CCDC57: variants seen among roughly 807,000 people sequenced by gnomAD.
The protein encoded by CCDC57 is coiled-coil domain containing 57, also known as coiled-coil domain-containing protein 57.
A neutral mutation model predicts 118.9 loss-of-function variants in CCDC57; 118 were observed. That is an observed-to-expected ratio of 0.99 (90% CI 0.86 to 1.16). The LOEUF is 1.16. CCDC57 is among the 50% of genes most tolerant of loss of function. CCDC57 has a pLI of 0.00. For missense variants in CCDC57, 1,300 were observed against 1,320.7 expected (o/e 0.98, Z 0.24); for synonymous variants, 527 against 532.9 (o/e 0.99, Z 0.15).
intron 19 of CCDC57, chr17:82,106,342 T>G (rs1015653103): frequency 7.2e-5 from 11 of 152,362 alleles, no homozygotes; most frequent in Non-Finnish European, 8.8e-5. Flanking sequence ...CGCATGGCCT[T>G]CCTCCTGGGC....
intron 19 of CCDC57, among the ~76,000 whole-genome samples, chr17:82,106,777 G>A (rs1463794235): frequency 6.6e-6 from 1 of 152,198 alleles, no homozygotes; most frequent in Non-Finnish European, 1.5e-5. Context: ...GTCTCTGTTG[G>A]CACTGTCTGG....
chr17:82,201,398 A>G (rs2048970772), intron 3 of CCDC57, 140 bp downstream of exon 2: 4 of 1,090,180 alleles, frequency 3.7e-6, no homozygotes, highest in Non-Finnish European at 5.1e-6. Flanking sequence ...ACTCAGACAG[A>G]CCAGCTCCCG....
At chr17:82,127,814 T>C (rs775405823) in exon 19 of CCDC57, 3 of 1,612,660 alleles carry the variant, frequency 1.9e-6, no homozygotes, top group Non-Finnish European at 2.5e-6. Flanking sequence ...GCGACCATGC[T>C]CCTCAGGGTG....
chr17:82,124,399 G>A (rs1181744855), intron 19 of CCDC57, among the ~76,000 whole-genome samples: 1 of 152,196 alleles, frequency 6.6e-6, no homozygotes, highest in East Asian at 1.9e-4. Flanking sequence ...TGTATTTAAA[G>A]CTAAAATCAA....
chr17:82,125,536 C>T (rs1362540189), intron 19 of CCDC57, among the ~76,000 whole-genome samples: 2 of 151,994 alleles, frequency 1.3e-5, no homozygotes, highest in Non-Finnish European at 2.9e-5. Flanking sequence ...CCACCAGGCC[C>T]AGTGAATTTT....
In CCDC57 at chr17:82,118,940, T is replaced by TAG. The variant is rs1002877463; in HGVS notation, c.2899+8751_2899+8752insCT. ...TTGGAGTCCCTCCCTCGCCCTGGAA[T>TAG]GCCTGGTAGTGTGTGGTCCCCGTGA... On this transcript the variant is annotated intron_variant, in intron 19 of 19. Transcript: ENST00000665763. The surrounding 1 kb of genome is among the most constrained non-coding windows in gnomAD (Gnocchi z 4.7). 5.3e-5 allele frequency among the ~76,000 whole-genome samples: 8 copies of TAG among 151,684 alleles called. No individual in the cohort carries two copies. The highest frequency in any genetic ancestry group is 8.8e-5 in the Non-Finnish European group (6 of 67,928).
At position 82,171,696 on chromosome 17, in the gene CCDC57, C is replaced by T. The variant is rs1383095397; in HGVS notation, c.1882+5G>A. 6.8e-6 allele frequency: 11 copies of T among 1,608,612 alleles called. No homozygotes were observed. The highest frequency in any genetic ancestry group is 8.5e-6 in the Non-Finnish European group (10 of 1,175,396). ...AGCAAGTACCCCACTGAGACGCGGA[C>T]TTACCAGTCGTCTCTGTCGAGGTGC... On this transcript the variant is annotated splice_donor_5th_base_variant and intron_variant, in intron 13 of 19. Transcript: ENST00000665763.
At chr17:82,188,521 T>C in intron 7 of CCDC57, 102 bp from the exon 7 acceptor site, 2 of 1,199,388 alleles carry the variant, frequency 1.7e-6, no homozygotes, top group Non-Finnish European at 2.3e-6. Context: ...GCACAGGTGC[T>C]GCTGTATGTC....
chr17:82,146,151 C>G (rs1001854478), intron 16 of CCDC57, among the ~76,000 whole-genome samples: 1 of 152,224 alleles, frequency 6.6e-6, no homozygotes, highest in Non-Finnish European at 1.5e-5. Context: ...AGAGAAGCAT[C>G]TAGAAACAGC....
rs530936227 is a variant in CCDC57 at position 82,196,783 on chromosome 17, A to C, written c.517-1419T>G. Among the ~76,000 whole-genome samples, 35 of 142,946 alleles carry C rather than the reference A, an allele frequency of 2.4e-4. No homozygotes were observed. In the Middle Eastern group the frequency reaches 0.018, roughly 72 times the overall value. 93.8% of individuals were successfully genotyped at this position (142,946 alleles called of 152,430 possible). A position where few individuals can be genotyped will look rare whatever the true frequency, so the allele number is the denominator to read the frequency against. On this transcript the variant is annotated intron_variant, in intron 4 of 19. Coordinates refer to ENST00000665763, the Ensembl canonical transcript of CCDC57. ...CATCACACCTGCACCTTCACAGAAG[A>C]AGCCCCTCAGGACACCTGCAGAGAC...
In CCDC57 at chr17:82,178,562, T is replaced by G. The variant is rs776781003; in HGVS notation, c.1418A>C (p.Gln473Pro). 3.7e-6 allele frequency: 6 copies of G among 1,613,506 alleles called. No homozygotes were observed. The South Asian group carries it at 6.6e-5, about 18-fold the overall frequency. Residue 473 changes from glutamine (Q) to proline (P), a missense_variant, in exon 11 of 20, where the codon CAG (glutamine) becomes CCG (proline). Transcript: ENST00000665763. ...GGTCACGGCCTTCAGCACCACCTCC[T>G]GCTCCTGTAGCGCCTGCTCTGTCTC...
At chr17:82,187,738 A>AGCTGGCGGGGGTTGCGGGGGG (rs2047139906) in intron 8 of CCDC57, among the ~76,000 whole-genome samples, 1 of 45,326 alleles carries the variant, frequency 2.2e-5, no homozygotes, top group East Asian at 8.3e-4. Context: ...GCGTTGGGGG[A>AGCTGGCGGGGGTTGCGGGGGG]ACTGGCGGGG....
At chr17:82,123,122 C>CTTTTTTTTTTT (rs34869339) in intron 19 of CCDC57, among the ~76,000 whole-genome samples, 2 of 105,768 alleles carry the variant, frequency 1.9e-5, no homozygotes, top group Non-Finnish European at 3.7e-5. Context: ...CTCCTAATAA[C>CTTTTTTTTTTT]TTTTTTTTTT....
chr17:82,150,622 T>C (rs1199279295), intron 16 of CCDC57, among the ~76,000 whole-genome samples: 12 of 25,048 alleles, frequency 4.8e-4, no homozygotes, highest in Non-Finnish European at 4.8e-4. Context: ...CAGAACCTGG[T>C]GCACACCCAG....
intron 17 of CCDC57, among the ~76,000 whole-genome samples, chr17:82,130,255 G>T (rs985396356): frequency 6.6e-6 from 1 of 151,364 alleles, no homozygotes; most frequent in Non-Finnish European, 1.5e-5. Context: ...GTGCAGTGGC[G>T]TGATCTCAGC....
At chr17:82,130,119 T>C (rs1006141671) in intron 17 of CCDC57, among the ~76,000 whole-genome samples, 10 of 152,006 alleles carry the variant, frequency 6.6e-5, no homozygotes, top group Admixed American at 4.6e-4. Flanking sequence ...GAAGATAATG[T>C]GAGCCTGGGA....
intron 16 of CCDC57, among the ~76,000 whole-genome samples, chr17:82,148,860 T>C (rs1345538767): frequency 1.6e-5 from 1 of 63,872 alleles, no homozygotes; most frequent in Non-Finnish European, 2.8e-5. Context: ...GATGGACAGA[T>C]GGATGGGTGG....
At chr17:82,176,840 G>A (rs1012159824) in intron 11 of CCDC57, among the ~76,000 whole-genome samples, 2 of 118,480 alleles carry the variant, frequency 1.7e-5, no homozygotes, top group African/African-American at 5.9e-5. Flanking sequence ...CAACAGGGAA[G>A]ATGAGGGTTT....
At chr17:82,117,496 G>C (rs1441275635) in intron 19 of CCDC57, among the ~76,000 whole-genome samples, 3 of 152,110 alleles carry the variant, frequency 2.0e-5, no homozygotes, top group Non-Finnish European at 4.4e-5. Context: ...AAATTAGCCA[G>C]GTGTGGTGGT....
Sources: gnomAD v4.1 joint callset for allele counts (sites outside exome capture counted in the v4.1 genomes callset) on GRCh38, gnomAD v4.1.1 for gene constraint, Gnocchi (gnomAD v3.1) non-coding constraint, MANE v1.5 for transcripts, NCBI Gene and HGNC (gene_info 2026-07-23, HGNC 2026-07-21) for gene names.